NPAS3: variants seen among roughly 807,000 people sequenced by gnomAD.
The protein encoded by NPAS3 is neuronal PAS domain-containing protein 3.
A neutral mutation model predicts 73.1 loss-of-function variants in NPAS3; 14 were observed. The observed-to-expected ratio is 0.19, with a 90% CI of 0.13 to 0.30. NPAS3 has a LOEUF of 0.30. Among genes scored for constraint, NPAS3 ranks in the 10% least tolerant of loss-of-function variants. NPAS3 has a pLI of 1.00. For missense variants in NPAS3, 1,096 were observed against 1,250.0 expected (o/e 0.88, Z 1.86); for synonymous variants, 620 against 541.5 (o/e 1.14, Z -2.01).
chr14:33,350,938 T>C, intron 3 of NPAS3, among the ~76,000 whole-genome samples: 1 of 152,198 alleles, frequency 6.6e-6, no homozygotes, highest in South Asian at 2.1e-4. Flanking sequence ...ACGGTTTTAG[T>C]GCAGCAATTT....
At position 33,016,751 on chromosome 14, in the gene NPAS3, C is replaced by T. The variant is rs933118061; in HGVS notation, c.51-39154C>T. On this transcript the variant is annotated intron_variant, in intron 1 of 11. Transcript: ENST00000356141. ...CTTAACCATTTATTTCTCTGTAACT[C>T]CCCTTGCGGCCTTCTGCCCCACCTC... Among the ~76,000 whole-genome samples the T allele has an allele frequency of 2.6e-5, 4 of 152,018 alleles. No individual in the cohort carries two copies. The East Asian group carries it at 5.8e-4, about 22-fold the overall frequency.
At chr14:33,227,744 G>A (rs2047688067) in intron 3 of NPAS3, among the ~76,000 whole-genome samples, 1 of 152,056 alleles carries the variant, frequency 6.6e-6, no homozygotes, top group Non-Finnish European at 1.5e-5. Context: ...TTTTAGGAGG[G>A]GACACAAACA....
intron 7 of NPAS3, among the ~76,000 whole-genome samples, chr14:33,752,851 G>A (rs558170587): frequency 3.9e-5 from 6 of 152,090 alleles, no homozygotes; most frequent in South Asian, 2.1e-4. Flanking sequence ...AATGTTTCGC[G>A]CTCAAGTTCA....
At position 33,374,287 on chromosome 14, in the gene NPAS3, G is replaced by C. The variant is rs558792250; in HGVS notation, c.468+7019G>C. Among the ~76,000 whole-genome samples, 5 of 152,206 alleles carry C rather than the reference G, an allele frequency of 3.3e-5. No individual in the cohort carries two copies. The South Asian group carries it at 8.3e-4, about 25-fold the overall frequency. ...AAAAGAAGAACCTGTGTTTTACAGA[G>C]GCTGTTAAGGATCAGATTTAGAAGA... On this transcript the variant is annotated intron_variant, in intron 4 of 11. Transcript: ENST00000356141.
At chr14:33,138,951 G>C (rs562100565) in intron 2 of NPAS3, among the ~76,000 whole-genome samples, 1 of 152,324 alleles carries the variant, frequency 6.6e-6, no homozygotes, top group Admixed American at 6.5e-5. Flanking sequence ...TTAAAAGTTA[G>C]TTCTGGAGGA....
At position 33,246,634 on chromosome 14, in the gene NPAS3, T is replaced by G. The variant is rs564468170; in HGVS notation, c.385+31208T>G. On this transcript the variant is annotated intron_variant, in intron 3 of 11. Coordinates refer to ENST00000356141, the Ensembl canonical transcript of NPAS3. The stretch of plus-strand genomic sequence containing the variant: ...AATTAGAAGAGTATCTACTTTGAAG[T>G]TGGTCTGACAAAGTTCTAGTCTTTG... 2.7e-5 allele frequency among the ~76,000 whole-genome samples: 4 copies of G among 150,614 alleles called. No individual in the cohort carries two copies. In the South Asian group the frequency reaches 8.4e-4, roughly 32 times the overall value.
rs543842452 is a variant in NPAS3 at position 33,643,869 on chromosome 14, AT to A, written c.559-32341del. Among the ~76,000 whole-genome samples, 209 of 152,304 alleles carry A rather than the reference AT, an allele frequency of 1.4e-3. 1 individual carries two copies. Among genetic ancestry groups the A allele is most frequent in the African/African-American group, 4.5e-3 (185 of 41,542 alleles). On this transcript the variant is annotated intron_variant, in intron 5 of 11. Transcript: ENST00000356141. ...ATAATGTATGTAAATTTTTGAAAAC[AT>A]GCAAATTGGGGAGAAGATTTTTTTT...
chr14:33,301,323 T>TATATATATATATATATATATATATA lies in NPAS3; in HGVS notation c.386-65863_386-65862insATATATATATATATATATATATATA, dbSNP rs1555370644. Among the ~76,000 whole-genome samples the TATATATATATATATATATATATATA allele has an allele frequency of 3.3e-4, 27 of 81,534 alleles. 1 individual carries two copies. Among genetic ancestry groups the TATATATATATATATATATATATATA allele is most frequent in the Non-Finnish European group, 4.4e-4 (18 of 41,322 alleles). 53.5% of individuals were successfully genotyped at this position (81,534 alleles called of 152,430 possible). On this transcript the variant is annotated intron_variant, in intron 3 of 11. Transcript: ENST00000356141. ...TTTTATCATTATATATATATATATA[T>TATATATATATATATATATATATATA]TTTTTTTTTTTAAATCTAGCTGTAA... is the stretch of plus-strand genomic sequence containing the variant.
intron 3 of NPAS3, among the ~76,000 whole-genome samples, chr14:33,308,808 A>G (rs1305250862): frequency 6.6e-6 from 1 of 152,094 alleles, no homozygotes; most frequent in Non-Finnish European, 1.5e-5. Context: ...TTTTAAAAAA[A>G]TTTTAAATAA....
chr14:33,607,984 C>T (rs2057630914), intron 5 of NPAS3, among the ~76,000 whole-genome samples: 1 of 152,130 alleles, frequency 6.6e-6, no homozygotes, highest in Admixed American at 6.5e-5. Context: ...AGTTACCTCC[C>T]ACTGGGTCCC....
chr14:33,490,435 T>C (rs2051835785), intron 4 of NPAS3, among the ~76,000 whole-genome samples: 1 of 152,162 alleles, frequency 6.6e-6, no homozygotes, highest in Non-Finnish European at 1.5e-5. Context: ...TTGAACAGTA[T>C]ACAGTGACAT....
chr14:33,095,055 G>A (rs112435295), intron 2 of NPAS3, among the ~76,000 whole-genome samples: 111 of 152,308 alleles, frequency 7.3e-4, no homozygotes, highest in African/African-American at 2.5e-3. Context: ...AGCAGTTAAC[G>A]TATACGTTGG....
chr14:33,159,188 A>G (rs1435559695), intron 2 of NPAS3, among the ~76,000 whole-genome samples: 1 of 152,110 alleles, frequency 6.6e-6, no homozygotes, highest in Admixed American at 6.5e-5. Context: ...ATAAAATTAA[A>G]TTAAAAACCA....
chr14:33,348,889 T>G (rs1283532320), intron 3 of NPAS3, among the ~76,000 whole-genome samples: 2 of 152,158 alleles, frequency 1.3e-5, no homozygotes, highest in Non-Finnish European at 1.5e-5. Flanking sequence ...CTTAGTTTGG[T>G]GTCACTAAAA....
chr14:33,356,085 G>A (rs1052135695), intron 3 of NPAS3, among the ~76,000 whole-genome samples: 2 of 152,164 alleles, frequency 1.3e-5, no homozygotes, highest in African/African-American at 2.4e-5. Flanking sequence ...CTGGCACTGG[G>A]TAAGCACTCA....
In NPAS3 at chr14:33,677,596, G is replaced by A. The variant is rs1051381071; in HGVS notation, c.733+1211G>A. On this transcript the variant is annotated intron_variant, in intron 6 of 11. Coordinates refer to ENST00000356141, the Ensembl canonical transcript of NPAS3. ...ATTTGGCCTGCCTAGAAGTAATCAC[G>A]ATATGTTTTCTCACACAGAAGGAAA... Among the ~76,000 whole-genome samples, 5 of 136,758 alleles carry A rather than the reference G, an allele frequency of 3.7e-5. No homozygotes were observed. The South Asian group carries it at 7.8e-4, about 21-fold the overall frequency. The allele number at this position is 136,758 out of a possible 152,430, so 89.7% of individuals were successfully genotyped here.
intron 5 of NPAS3, among the ~76,000 whole-genome samples, chr14:33,597,141 GTC>G (rs2057266391): frequency 6.6e-6 from 1 of 152,156 alleles, no homozygotes; most frequent in African/African-American, 2.4e-5. Context: ...TTCCAAACAG[GTC>G]TCTCTCCTTT....
chr14:33,660,988 C>T (rs1319665946), intron 5 of NPAS3, among the ~76,000 whole-genome samples: 2 of 149,862 alleles, frequency 1.3e-5, no homozygotes, highest in Non-Finnish European at 3.0e-5. Context: ...TCTTTGAAAG[C>T]GAAGAGTAAA....
intron 2 of NPAS3, among the ~76,000 whole-genome samples, chr14:33,112,062 T>A (rs1475811393): frequency 1.3e-5 from 2 of 152,184 alleles, no homozygotes; most frequent in Non-Finnish European, 2.9e-5. Flanking sequence ...CTTAATCCAG[T>A]CTATCATTGT....
Sources: gnomAD v4.1 joint callset for allele counts (sites outside exome capture counted in the v4.1 genomes callset) on GRCh38, gnomAD v4.1.1 for gene constraint, MANE v1.5 for transcripts, NCBI Gene and HGNC (gene_info 2026-07-23, HGNC 2026-07-21) for gene names.